Variants in DMD observed in about 807,000 individuals in gnomAD.
DMD encodes dystrophin.
DMD carries 63 observed loss-of-function variants against 330.1 expected under a neutral mutation model. The observed-to-expected ratio is 0.19, with a 90% CI of 0.16 to 0.24. The LOEUF is 0.24. DMD is among the 10% of genes least tolerant of loss of function. DMD has a pLI of 1.00. For synonymous variants in DMD, 1,223 were observed against 959.8 expected (o/e 1.27, Z -5.07); for missense variants, 3,344 against 2,684.1 (o/e 1.25, Z -5.43).
rs755014001 is a variant in DMD, at chrX:32,614,338, G to A, written c.1447C>T (p.Leu483Phe). ...TGTACTTGGCGTTTTAGGTCTTCAA[G>A]ATCAGGTCCAAGAGGCTCTTCCTCC... ...KMEEEPLGPD[L>F]EDLKRQVQQH... is the part of the protein sequence containing the mutation. The change falls in exon 12 of 79, where the codon CTT becomes TTT. Residue 483 changes from leucine (L) to phenylalanine (F), a missense_variant. Coordinates refer to ENST00000357033, the MANE Select transcript of DMD (RefSeq NM_004006.3). 3 of 1,208,328 alleles carry A rather than the reference G, an allele frequency of 2.5e-6. No individual in the cohort carries two copies. Among genetic ancestry groups the A allele is most frequent in the Admixed American group, 2.2e-5 (1 of 45,690 alleles).
intron 44 of DMD, among the ~76,000 whole-genome samples, chrX:32,167,837 C>T (rs1412691755): frequency 2.7e-5 from 3 of 112,130 alleles, no homozygotes; most frequent in Non-Finnish European, 3.8e-5. Context: ...AAAGATCTCT[C>T]TTCCACCACC....
chrX:31,741,309 G>C (rs1161859263), intron 51 of DMD, among the ~76,000 whole-genome samples: 1 of 111,692 alleles, frequency 9.0e-6, no homozygotes, highest in Non-Finnish European at 1.9e-5. Context: ...ATCTGGAATG[G>C]TGAGGACTTT....
At chrX:31,123,040 C>T (rs1170250866) in intron 78 of DMD, among the ~76,000 whole-genome samples, 2 of 98,807 alleles carry the variant, frequency 2.0e-5, no homozygotes, top group Non-Finnish European at 4.1e-5. Flanking sequence ...TTTACAGATT[C>T]CCATAATAAT....
In DMD at chrX:32,116,434, G is replaced by A. The variant is rs181205365; in HGVS notation, c.6438+100482C>T. Among the ~76,000 whole-genome samples the A allele has an allele frequency of 8.9e-5, 10 of 111,992 alleles. No individual in the cohort carries two copies. The East Asian group carries it at 2.2e-3, about 25-fold the overall frequency. On this transcript the variant is annotated intron_variant, in intron 44 of 78. Transcript: ENST00000357033. Reference sequence around the variant, plus strand: ...CTCACTACTAGAGTGTAAGTTCTACGAGACTAGGGACATACTTATGTATTC... The same window carrying A: ...CTCACTACTAGAGTGTAAGTTCTACAAGACTAGGGACATACTTATGTATTC...
At chrX:32,611,646 A>C (rs1254301136) in intron 12 of DMD, among the ~76,000 whole-genome samples, 1 of 111,239 alleles carries the variant, frequency 9.0e-6, no homozygotes, top group Non-Finnish European at 1.9e-5. Flanking sequence ...CAAGCTAAGA[A>C]CTTCCTTCAT....
At chrX:31,611,705 C>A (rs1245177847) in intron 55 of DMD, among the ~76,000 whole-genome samples, 1 of 110,948 alleles carries the variant, frequency 9.0e-6, no homozygotes, top group Non-Finnish European at 1.9e-5. Flanking sequence ...GGACTACAAG[C>A]ATGAGCTCCC....
At chrX:32,527,168 G>T (rs2047003409) in intron 17 of DMD, among the ~76,000 whole-genome samples, 1 of 111,815 alleles carries the variant, frequency 8.9e-6, no homozygotes, top group Non-Finnish European at 1.9e-5. Context: ...CAGGGTCCCA[G>T]GGCTCTAGGC....
At chrX:31,231,700 G>A (rs755303024) in intron 63 of DMD, among the ~76,000 whole-genome samples, 3 of 112,210 alleles carry the variant, frequency 2.7e-5, no homozygotes, top group Non-Finnish European at 5.6e-5. Context: ...CCAACATGGC[G>A]AAACCCCGTC....
chrX:32,431,390 C>A (rs2098237656), intron 29 of DMD, among the ~76,000 whole-genome samples: 1 of 111,132 alleles, frequency 9.0e-6, no homozygotes, highest in African/African-American at 3.3e-5. Context: ...GCCTTTTGAG[C>A]TCAACTGCTC....
At chrX:31,245,261 T>C (rs1241496441) in intron 63 of DMD, among the ~76,000 whole-genome samples, 1 of 112,122 alleles carries the variant, frequency 8.9e-6, no homozygotes, top group Non-Finnish European at 1.9e-5. Context: ...ACTCCATCTC[T>C]CCAGAGTTCC....
intron 60 of DMD, among the ~76,000 whole-genome samples, chrX:31,405,176 T>C (rs181546128): frequency 8.9e-6 from 1 of 112,089 alleles, no homozygotes; most frequent in Admixed American, 9.5e-5. Flanking sequence ...ATGACTACAA[T>C]TATATCATCT....
chrX:32,497,071 G>A (rs1467320663), intron 19 of DMD, among the ~76,000 whole-genome samples: 2 of 111,760 alleles, frequency 1.8e-5, no homozygotes, highest in African/African-American at 6.5e-5. Flanking sequence ...TTTTAGCTTT[G>A]AGATGAGCCA....
chrX:32,492,220 T>C (rs1233978133), intron 19 of DMD, among the ~76,000 whole-genome samples: 11 of 110,990 alleles, frequency 9.9e-5, no homozygotes, highest in African/African-American at 2.9e-4. Flanking sequence ...CGCCTGGGGT[T>C]CCAGCTACTC....
intron 52 of DMD, among the ~76,000 whole-genome samples, chrX:31,706,551 T>G (rs1219837829): frequency 1.0e-5 from 1 of 95,446 alleles, no homozygotes; most frequent in Non-Finnish European, 2.1e-5. Context: ...TCTGAGTTTA[T>G]CAACATTTTT....
intron 44 of DMD, among the ~76,000 whole-genome samples, chrX:32,020,537 T>C (rs1275708659): frequency 2.7e-5 from 3 of 111,419 alleles, no homozygotes; most frequent in African/African-American, 6.5e-5. Context: ...ATAAGTCTAA[T>C]GTCCTCATAA....
Position 31,255,317 on chromosome X carries a change from C to CA in DMD, c.9286+5637dup, listed in dbSNP as rs778331692. On this transcript the variant is annotated intron_variant, in intron 63 of 78. Transcript: ENST00000357033. ...ATGCTTTCTGGAGCCTTGAAGAGCT[C>CA]AGAGTTTTAAATCACCAAGCTAACC... Among the ~76,000 whole-genome samples, 263 of 111,410 alleles carry CA rather than the reference C, an allele frequency of 2.4e-3. 2 individuals carry two copies. Among genetic ancestry groups the CA allele is most frequent in the African/African-American group, 8.1e-3 (249 of 30,673 alleles).
At chrX:32,448,735 A>T in intron 26 of DMD, 97 bp from the exon 27 acceptor site, 1 of 761,446 alleles carries the variant, frequency 1.3e-6, no homozygotes, top group East Asian at 3.4e-5. Context: ...ACAACATCCC[A>T]GTTAGAATGA....
chrX:32,453,532 T>C (rs188879875), intron 26 of DMD, among the ~76,000 whole-genome samples: 1 of 111,113 alleles, frequency 9.0e-6, no homozygotes, highest in African/African-American at 3.2e-5. Flanking sequence ...ATAATAGATA[T>C]TTCTGAATTA....
At chrX:31,165,153 G>A (rs2039283116) in intron 74 of DMD, among the ~76,000 whole-genome samples, 1 of 111,907 alleles carries the variant, frequency 8.9e-6, no homozygotes, top group African/African-American at 3.2e-5. Context: ...GTAAAGCAAC[G>A]GGATCATGAT....
Sources: gnomAD v4.1 joint callset for allele counts (sites outside exome capture counted in the v4.1 genomes callset) on GRCh38, gnomAD v4.1.1 for gene constraint, MANE v1.5 for transcripts, NCBI Gene and HGNC (gene_info 2026-07-23, HGNC 2026-07-21) for gene names.